The following SLC22A3 variants were observed in gnomAD, a reference collection of about 807,000 sequenced individuals.
The protein encoded by SLC22A3 is EMT organic cation transporter 3.
SLC22A3 carries 51 observed loss-of-function variants against 59.1 expected under a neutral mutation model. That is an observed-to-expected ratio of 0.86 (90% CI 0.69 to 1.09). SLC22A3 has a LOEUF of 1.09. Among genes scored for constraint, SLC22A3 ranks in the 50% least tolerant of loss-of-function variants. The pLI is 0.00. For missense variants in SLC22A3, 711 were observed against 726.3 expected, an observed-to-expected ratio of 0.98 and a Z score of 0.24; for synonymous variants, 325 against 292.0, an observed-to-expected ratio of 1.11 and a Z score of -1.15.
intron 2 of SLC22A3, 98 bp from the exon 3 acceptor site, chr6:160,406,943 C>A: frequency 7.5e-7 from 1 of 1,327,118 alleles, no homozygotes; most frequent in Non-Finnish European, 1.0e-6. Flanking sequence ...TAATGTAATA[C>A]AGTATAATAT....
intron 1 of SLC22A3, among the ~76,000 whole-genome samples, chr6:160,368,318 C>T (rs560142202): frequency 2.1e-4 from 32 of 152,270 alleles, no homozygotes; most frequent in South Asian, 4.1e-4. Context: ...TATAATACTG[C>T]CCCCTGTTGA....
intron 5 of SLC22A3, among the ~76,000 whole-genome samples, chr6:160,434,899 C>G (rs1788281545): frequency 6.6e-6 from 1 of 152,214 alleles, no homozygotes; most frequent in South Asian, 2.1e-4. Context: ...AGCACACGCA[C>G]ACAGAGGTGA....
intron 5 of SLC22A3, among the ~76,000 whole-genome samples, chr6:160,428,780 C>T (rs563321711): frequency 3.9e-5 from 6 of 152,320 alleles, no homozygotes; most frequent in African/African-American, 1.4e-4. Flanking sequence ...AATTTTAATA[C>T]AAATATTTCC....
At chr6:160,382,540 C>G (rs935501445) in intron 1 of SLC22A3, among the ~76,000 whole-genome samples, 1 of 152,162 alleles carries the variant, frequency 6.6e-6, no homozygotes, top group Non-Finnish European at 1.5e-5. Context: ...AGCCAATGAT[C>G]ACCAGGAGAG....
chr6:160,378,310 A>T (rs931767423), intron 1 of SLC22A3, among the ~76,000 whole-genome samples: 1 of 152,212 alleles, frequency 6.6e-6, no homozygotes, highest in African/African-American at 2.4e-5. Flanking sequence ...CATATTCTGG[A>T]AAGGTGGATT....
At chr6:160,376,325 C>T (rs533989506) in intron 1 of SLC22A3, among the ~76,000 whole-genome samples, 193 of 151,578 alleles carry the variant, frequency 1.3e-3, no homozygotes, top group African/African-American at 4.5e-3. Flanking sequence ...GGGAACAACA[C>T]ACACCGGGGC....
chr6:160,365,124 G>A (rs1263690291), intron 1 of SLC22A3, among the ~76,000 whole-genome samples: 1 of 151,880 alleles, frequency 6.6e-6, no homozygotes, highest in East Asian at 1.9e-4. Context: ...GTATTCTCTG[G>A]GTTTATTTTG....
chr6:160,391,579 A>G (rs1158091423), intron 1 of SLC22A3, among the ~76,000 whole-genome samples: 1 of 152,228 alleles, frequency 6.6e-6, no homozygotes, highest in Non-Finnish European at 1.5e-5. Context: ...CAAGACATCC[A>G]GGCTGTCTGG....
chr6:160,447,137 T>A (rs1788774474), intron 9 of SLC22A3, among the ~76,000 whole-genome samples: 1 of 152,034 alleles, frequency 6.6e-6, no homozygotes, highest in Non-Finnish European at 1.5e-5. Context: ...AATGGAAGGA[T>A]GAGGTGAGAT....
rs747346592 is a variant in SLC22A3 at position 160,348,609 on chromosome 6, G to A, written c.190G>A (p.Gly64Ser). The change falls in exon 1 of 11, where the codon GGC becomes AGC. Residue 64 changes from glycine to serine, a missense_variant. Transcript: ENST00000275300. ...TGCCGCGGCGCTGGCCGAGCGCTGC[G>A]GCTGGAGCCCGGAGGAGGAGTGGAA... ...PSAAALAERC[G>S]WSPEEEWNRT... The A allele has an allele frequency of 8.0e-6, 12 of 1,507,828 alleles. No homozygotes were observed. The African/African-American group carries it at 1.4e-4, about 18-fold the overall frequency. The allele number at this position is 1,507,828 out of a possible 1,614,324, so 93.4% of individuals were successfully genotyped here.
intron 1 of SLC22A3, among the ~76,000 whole-genome samples, chr6:160,356,176 G>A (rs959657527): frequency 3.3e-5 from 5 of 152,176 alleles, no homozygotes; most frequent in African/African-American, 9.7e-5. Context: ...TCCTAACGCC[G>A]ATTCCTTGCC....
At chr6:160,395,128 T>C (rs186367460) in intron 1 of SLC22A3, among the ~76,000 whole-genome samples, 1 of 152,318 alleles carries the variant, frequency 6.6e-6, no homozygotes, top group African/African-American at 2.4e-5. Context: ...ACTTTAACCA[T>C]TGAAGTATTT....
At chr6:160,401,438 C>T (rs1035783278) in intron 2 of SLC22A3, among the ~76,000 whole-genome samples, 1 of 151,792 alleles carries the variant, frequency 6.6e-6, no homozygotes, top group African/African-American at 2.4e-5. Context: ...ATCTAGAATT[C>T]TATACTGTGC....
At chr6:160,393,358 A>T (rs1346431478) in intron 1 of SLC22A3, among the ~76,000 whole-genome samples, 1 of 151,914 alleles carries the variant, frequency 6.6e-6, no homozygotes. Context: ...TTACATATGT[A>T]TACATGTGCC....
At chr6:160,356,348 G>A (rs991099801) in intron 1 of SLC22A3, among the ~76,000 whole-genome samples, 6 of 152,216 alleles carry the variant, frequency 3.9e-5, no homozygotes, top group East Asian at 3.8e-4. Flanking sequence ...GTCTGTGTCC[G>A]CAGAATCCTA....
At chr6:160,381,511 A>T (rs964787455) in intron 1 of SLC22A3, among the ~76,000 whole-genome samples, 1 of 152,252 alleles carries the variant, frequency 6.6e-6, no homozygotes, top group East Asian at 1.9e-4. Context: ...AAGGGAAAGT[A>T]TATGAATATA....
intron 3 of SLC22A3, among the ~76,000 whole-genome samples, chr6:160,407,549 G>C (rs1198149498): frequency 6.6e-6 from 1 of 152,016 alleles, no homozygotes; most frequent in African/African-American, 2.4e-5. Flanking sequence ...CATTTTTAAA[G>C]CATTTTCTCT....
At chr6:160,399,975 TA>T (rs1334072592) in intron 2 of SLC22A3, among the ~76,000 whole-genome samples, 2 of 151,576 alleles carry the variant, frequency 1.3e-5, no homozygotes, top group Non-Finnish European at 2.9e-5. Flanking sequence ...AGAGCCAGGG[TA>T]GATAAACATG....
intron 5 of SLC22A3, among the ~76,000 whole-genome samples, chr6:160,433,521 A>ACTACTG (rs1437083870): frequency 6.7e-6 from 1 of 149,830 alleles, no homozygotes; most frequent in Non-Finnish European, 1.5e-5. Context: ...TGTCTCTACT[A>ACTACTG]CTACTACTAC....
Sources: gnomAD v4.1 joint callset for allele counts (sites outside exome capture counted in the v4.1 genomes callset) on GRCh38, gnomAD v4.1.1 for gene constraint, MANE v1.5 for transcripts, NCBI Gene and HGNC (gene_info 2026-07-23, HGNC 2026-07-21) for gene names.